The following USP47 variants were observed in gnomAD, a reference collection of about 807,000 sequenced individuals.
USP47 encodes the protein ubiquitin carboxyl-terminal hydrolase 47.
A neutral mutation model predicts 165.1 loss-of-function variants in USP47; 35 were observed. That is an observed-to-expected ratio of 0.21 (90% CI 0.16 to 0.28). The LOEUF is 0.28. Ranked by LOEUF, USP47 falls within the 10% of genes least tolerant of loss-of-function variation. The pLI is 1.00. For synonymous variants in USP47, 531 were observed against 544.5 expected (o/e 0.98, Z 0.35); for missense variants, 1,277 against 1,607.4 (o/e 0.79, Z 3.52).
intron 1 of USP47, among the ~76,000 whole-genome samples, chr11:11,857,869 C>G (rs1212878352): frequency 6.6e-6 from 1 of 152,168 alleles, no homozygotes; most frequent in Non-Finnish European, 1.5e-5. Context: ...GATTACGGGC[C>G]AAATCTTCAT....
Position 11,960,778 on chromosome 11 carries a change from C to T in USP47, c.*4603C>T, listed in dbSNP as rs1049050144. ...GCATTTAGAAACCAAGCATAGCTATCAAAAAGTAATCTCCAAATAGTTGAA... is the reference window on the plus strand; with the variant it reads ...GCATTTAGAAACCAAGCATAGCTATTAAAAAGTAATCTCCAAATAGTTGAA... On this transcript the variant is annotated 3_prime_UTR_variant, in exon 28 of 28. Coordinates refer to ENST00000527733, the MANE Select transcript of USP47 (RefSeq NM_001282659.2). Among the ~76,000 whole-genome samples the T allele has an allele frequency of 1.3e-5, 2 of 152,160 alleles. No homozygotes were observed. Among genetic ancestry groups the T allele is most frequent in the African/African-American group, 4.8e-5 (2 of 41,412 alleles).
intron 8 of USP47, among the ~76,000 whole-genome samples, chr11:11,913,258 C>CAAAAAAAAAA (rs796881838): frequency 1.3e-5 from 1 of 79,294 alleles, no homozygotes; most frequent in African/African-American, 5.1e-5. Context: ...ATCCCTTGTA[C>CAAAAAAAAAA]AAAAAAAAAA....
intron 4 of USP47, among the ~76,000 whole-genome samples, chr11:11,894,043 C>T (rs536515006): frequency 6.6e-6 from 1 of 152,078 alleles, no homozygotes; most frequent in Non-Finnish European, 1.5e-5. Context: ...AAAAAAAATA[C>T]AAAATTATCT....
At chr11:11,926,758 C>T (rs529274555) in intron 11 of USP47, among the ~76,000 whole-genome samples, 1 of 147,352 alleles carries the variant, frequency 6.8e-6, no homozygotes, top group Admixed American at 6.8e-5. Flanking sequence ...TTAGTTTGTT[C>T]TTCTATTTCT....
intron 1 of USP47, chr11:11,878,730 G>C (rs1007048138): frequency 7.2e-5 from 11 of 151,940 alleles, no homozygotes; most frequent in Admixed American, 4.6e-4. Flanking sequence ...TACTTTTATA[G>C]CAACTTACTT....
At chr11:11,933,160 A>C in intron 15 of USP47, 44 bp downstream of exon 15, 1 of 1,505,042 alleles carries the variant, frequency 6.6e-7, no homozygotes, top group East Asian at 2.3e-5. Context: ...TGCTATTTTT[A>C]AGCTCGCTTA....
intron 17 of USP47, among the ~76,000 whole-genome samples, chr11:11,937,392 T>C (rs1463157931): frequency 6.6e-6 from 1 of 151,924 alleles, no homozygotes; most frequent in East Asian, 1.9e-4. Flanking sequence ...CTTCTGTGGA[T>C]CCTGTATATC....
At position 11,960,196 on chromosome 11, in the gene USP47, C is replaced by CT. The variant is rs1430743090; in HGVS notation, c.*4022dup. Among the ~76,000 whole-genome samples, 1 of 152,222 alleles carries CT rather than the reference C, an allele frequency of 6.6e-6. No homozygotes were observed. Among genetic ancestry groups the CT allele is most frequent in the Non-Finnish European group, 1.5e-5 (1 of 68,038 alleles). ...ACCTCCATAGTGCCTCCAAGATGTG[C>CT]TGTCCCTGCCAACTCCTGCACCAGC... On this transcript the variant is annotated 3_prime_UTR_variant, in exon 28 of 28. Transcript: ENST00000527733.
intron 5 of USP47, 25 bp downstream of exon 5, chr11:11,897,718 C>T (rs1336979414): frequency 1.4e-6 from 2 of 1,451,896 alleles, no homozygotes; most frequent in African/African-American, 1.4e-5. Context: ...AAATTGTATA[C>T]ATAAAATTGA....
At chr11:11,906,537 G>A (rs976340749) in intron 8 of USP47, among the ~76,000 whole-genome samples, 1 of 152,092 alleles carries the variant, frequency 6.6e-6, no homozygotes, top group Non-Finnish European at 1.5e-5. Context: ...GAAATAACCA[G>A]CAATAAATTA....
chr11:11,897,278 A>C (rs1403236917), intron 4 of USP47, among the ~76,000 whole-genome samples: 1 of 151,814 alleles, frequency 6.6e-6, no homozygotes, highest in Non-Finnish European at 1.5e-5. Flanking sequence ...ATTTTGGGGG[A>C]AAAAGTTTAT....
intron 7 of USP47, among the ~76,000 whole-genome samples, chr11:11,904,720 A>G (rs977222253): frequency 4.6e-5 from 7 of 152,132 alleles, no homozygotes; most frequent in African/African-American, 1.7e-4. Context: ...GCCCTAGTTA[A>G]CTAAGTTTGG....
rs146254357 is a variant in USP47 at position 11,848,143 on chromosome 11, A to G, written c.39+5919A>G. Among the ~76,000 whole-genome samples the G allele has an allele frequency of 3.9e-3, 593 of 152,348 alleles. 7 individuals carry two copies. Among genetic ancestry groups the G allele is most frequent in the African/African-American group, 0.014 (567 of 41,578 alleles). ...TTTTTATCAAAGTTATGTTTAATACATGCATATATTTATAAGAGTTAAATA... is the reference window on the plus strand; with the variant it reads ...TTTTTATCAAAGTTATGTTTAATACGTGCATATATTTATAAGAGTTAAATA... On this transcript the variant is annotated intron_variant, in intron 1 of 27. Coordinates refer to ENST00000527733, the MANE Select transcript of USP47 (RefSeq NM_001282659.2).
chr11:11,842,140 C>G lies in USP47; in HGVS notation c.-46C>G. Reference sequence around the variant, plus strand: ...CTTGAGCTAGCGAGCCGCCGCCACCCTCCACCCTCCCCCGGCAGGGCGGAG... The same window carrying G: ...CTTGAGCTAGCGAGCCGCCGCCACCGTCCACCCTCCCCCGGCAGGGCGGAG... On this transcript the variant is annotated 5_prime_UTR_variant, in exon 1 of 28. Transcript: ENST00000527733. The G allele has an allele frequency of 6.5e-7, 1 of 1,549,728 alleles. No homozygotes were observed. Among genetic ancestry groups the G allele is most frequent in the Non-Finnish European group, 8.7e-7 (1 of 1,145,834 alleles).
chr11:11,891,986 G>A lies in USP47; in HGVS notation c.376G>A (p.Glu126Lys). ...ATTTTAGGAGGATTCCAGTGCTGGG[G>A]AAGACAGTGTTCATGACAGGTTTAT... ...QILLEDSSAGEDSVHDRFIGP... is the reference protein window; with the variant it reads ...QILLEDSSAGKDSVHDRFIGP... Residue 126 changes from glutamate to lysine, a missense_variant, in exon 4 of 28, where the codon GAA becomes AAA. Coordinates refer to ENST00000527733, the MANE Select transcript of USP47 (RefSeq NM_001282659.2). 6.2e-7 allele frequency: 1 copy of A among 1,613,076 alleles called. No homozygotes were observed. Among genetic ancestry groups the A allele is most frequent in the Non-Finnish European group, 8.5e-7 (1 of 1,179,542 alleles).
chr11:11,873,900 G>C (rs1012423845), intron 1 of USP47: 1 of 1,210,072 alleles, frequency 8.3e-7, no homozygotes, highest in Non-Finnish European at 1.1e-6. Context: ...ATAATCAGCA[G>C]AGCAAGTAAC....
chr11:11,864,266 T>G (rs1042747492), intron 1 of USP47, among the ~76,000 whole-genome samples: 3 of 152,132 alleles, frequency 2.0e-5, no homozygotes, highest in African/African-American at 7.2e-5. Context: ...AGTATGTGTT[T>G]GTAATGTAGA....
rs981523936 is a variant in USP47, at chr11:11,957,916, G to A, written c.*1741G>A. On this transcript the variant is annotated 3_prime_UTR_variant, in exon 28 of 28. Transcript: ENST00000527733. ...TTTGAAGAAAGCTATAGCATTTAGC[G>A]AAATTTGACTGAAGTAATGTTCTGA... The A allele has an allele frequency of 1.3e-5, 2 of 152,078 alleles. No homozygotes were observed. Among genetic ancestry groups the A allele is most frequent in the Non-Finnish European group, 2.9e-5 (2 of 68,022 alleles). 9.4% of individuals were successfully genotyped at this position (152,078 alleles called of 1,614,324 possible). A position where few individuals can be genotyped will look rare whatever the true frequency, so the allele number is the denominator to read the frequency against.
chr11:11,910,602 G>T (rs1852903364), intron 8 of USP47, among the ~76,000 whole-genome samples: 1 of 151,866 alleles, frequency 6.6e-6, no homozygotes, highest in Non-Finnish European at 1.5e-5. Flanking sequence ...AGATACTCCT[G>T]CCCTTTACAG....
Sources: gnomAD v4.1 joint callset for allele counts (sites outside exome capture counted in the v4.1 genomes callset) on GRCh38, gnomAD v4.1.1 for gene constraint, MANE v1.5 for transcripts, NCBI Gene and HGNC (gene_info 2026-07-23, HGNC 2026-07-21) for gene names.